Variants in SLC14A2 observed in about 807,000 individuals in gnomAD.
SLC14A2 encodes the protein urea transporter 2.
In SLC14A2, 91 loss-of-function variants were observed where a neutral mutation model predicts 104.6. The ratio of observed to expected loss-of-function variants is 0.87; its 90% CI spans 0.73 to 1.04. The LOEUF (loss-of-function observed/expected upper bound fraction) is 1.04, where lower values mean the gene tolerates loss of function less well. SLC14A2 is among the 50% of genes least tolerant of loss of function. The pLI is 0.00. For missense variants in SLC14A2, 1,189 were observed against 1,156.0 expected (o/e 1.03, Z -0.41); for synonymous variants, 476 against 466.4 (o/e 1.02, Z -0.27).
At chr18:45,677,801 T>C (rs756767085) in intron 18 of SLC14A2, among the ~76,000 whole-genome samples, 3 of 152,176 alleles carry the variant, frequency 2.0e-5, no homozygotes, top group Non-Finnish European at 4.4e-5. Context: ...TAACTCATTC[T>C]CTTTTGTTTG....
intron 1 of SLC14A2, among the ~76,000 whole-genome samples, chr18:45,379,269 A>C (rs1214925611): frequency 1.3e-5 from 2 of 152,220 alleles, no homozygotes; most frequent in Non-Finnish European, 2.9e-5. Flanking sequence ...ACAGCTTTCT[A>C]TGTTAAAAAG....
At chr18:45,311,294 T>C (rs562704449) in intron 1 of SLC14A2, among the ~76,000 whole-genome samples, 1 of 152,324 alleles carries the variant, frequency 6.6e-6, no homozygotes, top group African/African-American at 2.4e-5. Context: ...TCAGCATACT[T>C]AGCCCCTGCT....
intron 1 of SLC14A2, among the ~76,000 whole-genome samples, chr18:45,268,407 A>G (rs905080898): frequency 6.6e-6 from 1 of 152,248 alleles, no homozygotes; most frequent in Non-Finnish European, 1.5e-5. Context: ...AAAGAGATCA[A>G]AAACAGTCTC....
intron 2 of SLC14A2, among the ~76,000 whole-genome samples, chr18:45,495,663 G>C (rs1452493459): frequency 6.6e-6 from 1 of 152,064 alleles, no homozygotes; most frequent in African/African-American, 2.4e-5. Context: ...TTCTTCCCTG[G>C]ACCTCTCTAT....
chr18:45,429,901 T>C (rs2086488147), intron 1 of SLC14A2, among the ~76,000 whole-genome samples: 1 of 152,184 alleles, frequency 6.6e-6, no homozygotes, highest in South Asian at 2.1e-4. Context: ...GAAGTTGTTT[T>C]AGTCCTTCCC....
chr18:45,452,156 A>G (rs562626096), intron 1 of SLC14A2, among the ~76,000 whole-genome samples: 87 of 152,284 alleles, frequency 5.7e-4, no homozygotes, highest in African/African-American at 2.0e-3. Context: ...TTGATCCTGG[A>G]TGAGAGGCAA....
In SLC14A2 at chr18:45,598,771, A is replaced by G. The variant is rs557252665; in HGVS notation, c.-34-25860A>G. On this transcript the variant is annotated intron_variant, in intron 2 of 20. Coordinates refer to the SLC14A2 transcript ENST00000586448. ...CTAACAATTCGCTCTGAGACCTCCA[A>G]TCAGTCCCTCCACCACTCAAGGCTC... is the stretch of plus-strand genomic sequence containing the variant. Among the ~76,000 whole-genome samples, 4 of 152,272 alleles carry G rather than the reference A, an allele frequency of 2.6e-5. No homozygotes were observed. In the East Asian group the frequency reaches 5.8e-4, roughly 22 times the overall value.
chr18:45,581,391 C>T (rs143652314), intron 2 of SLC14A2, among the ~76,000 whole-genome samples: 118 of 152,152 alleles, frequency 7.8e-4, no homozygotes, highest in African/African-American at 2.5e-3. Flanking sequence ...GGAGAGAGGC[C>T]GTGGAGCCAG....
At chr18:45,280,588 T>C (rs944133188) in intron 1 of SLC14A2, among the ~76,000 whole-genome samples, 6 of 152,146 alleles carry the variant, frequency 3.9e-5, no homozygotes, top group South Asian at 4.1e-4. Flanking sequence ...CTACAGGTCC[T>C]GGGAGAAGGA....
intron 1 of SLC14A2, among the ~76,000 whole-genome samples, chr18:45,471,797 C>T (rs1361866330): frequency 5.3e-5 from 8 of 151,956 alleles, no homozygotes; most frequent in African/African-American, 1.7e-4. Flanking sequence ...GTTGTCTGGA[C>T]ATGTCTTTCT....
At chr18:45,444,028 G>A (rs1000369575) in intron 1 of SLC14A2, among the ~76,000 whole-genome samples, 3 of 152,168 alleles carry the variant, frequency 2.0e-5, no homozygotes, top group East Asian at 1.9e-4. Flanking sequence ...GAGGACAAGG[G>A]AGAAGAAATG....
chr18:45,373,227 TCTC>T (rs1168404187), intron 1 of SLC14A2, among the ~76,000 whole-genome samples: 1 of 152,168 alleles, frequency 6.6e-6, no homozygotes, highest in African/African-American at 2.4e-5. Flanking sequence ...GATTTCCCCT[TCTC>T]CTTCTCTCTT....
intron 1 of SLC14A2, among the ~76,000 whole-genome samples, chr18:45,255,599 A>G (rs1344024693): frequency 6.6e-6 from 1 of 152,144 alleles, no homozygotes; most frequent in Admixed American, 6.5e-5. Context: ...TCATCTCAAG[A>G]TGTTAGAGTC....
chr18:45,356,962 G>A lies in SLC14A2; in HGVS notation c.-124-126271G>A, dbSNP rs373634411. Among the ~76,000 whole-genome samples the A allele has an allele frequency of 3.3e-5, 5 of 152,182 alleles. No individual in the cohort carries two copies. The South Asian group carries it at 1.0e-3, about 31-fold the overall frequency. On this transcript the variant is annotated intron_variant, in intron 1 of 20. Coordinates refer to the SLC14A2 transcript ENST00000586448. ...CTGGACCACCACGGGGGCACCAGGT[G>A]CTAGAACACAGCAGGAAGGATGATG...
intron 2 of SLC14A2, among the ~76,000 whole-genome samples, chr18:45,583,769 T>C (rs2044530785): frequency 6.6e-6 from 1 of 152,088 alleles, no homozygotes; most frequent in Admixed American, 6.6e-5. Flanking sequence ...AGCCCCAATT[T>C]CCATGGTATA....
chr18:45,235,509 G>T (rs2084216001), intron 1 of SLC14A2, among the ~76,000 whole-genome samples: 1 of 152,006 alleles, frequency 6.6e-6, no homozygotes, highest in Non-Finnish European at 1.5e-5. Flanking sequence ...TAGAACGCTA[G>T]AATTTATTCC....
chr18:45,179,154 A>C, the SLC14A2 span, among the ~76,000 whole-genome samples: 1 of 152,166 alleles, frequency 6.6e-6, no homozygotes, highest in African/African-American at 2.4e-5. Context: ...GACACTGCCC[A>C]TTCCACCCTT....
chr18:45,635,673 C>T (rs1384271404), intron 5 of SLC14A2, among the ~76,000 whole-genome samples: 3 of 152,074 alleles, frequency 2.0e-5, no homozygotes, highest in Non-Finnish European at 4.4e-5. Context: ...GGCTACTGCC[C>T]GAAGGGGAGC....
At chr18:45,370,831 C>G (rs1435707069) in intron 1 of SLC14A2, among the ~76,000 whole-genome samples, 2 of 152,134 alleles carry the variant, frequency 1.3e-5, no homozygotes, top group Non-Finnish European at 2.9e-5. Context: ...TGGAAACGGT[C>G]CAAGACCTCA....
Sources: allele counts gnomAD v4.1 joint callset (sites outside exome capture counted in the v4.1 genomes callset), GRCh38; gene constraint gnomAD v4.1.1; transcripts MANE v1.5; gene names NCBI Gene and HGNC (gene_info 2026-07-23, HGNC 2026-07-21).